The following UTRN variants were observed in gnomAD, a reference collection of about 807,000 sequenced individuals.
UTRN encodes dystrophin-related protein 1.
In UTRN, 283 loss-of-function variants were observed where a neutral mutation model predicts 463.9. That is an observed-to-expected ratio of 0.61 (90% CI 0.55 to 0.67). UTRN has a LOEUF of 0.67. Ranked by LOEUF, UTRN falls within the 30% of genes least tolerant of loss-of-function variation. The pLI is 0.00. For missense variants in UTRN, 3,922 were observed against 4,084.3 expected, an observed-to-expected ratio of 0.96 and a Z score of 1.08; for synonymous variants, 1,442 against 1,431.5, an observed-to-expected ratio of 1.01 and a Z score of -0.17.
chr6:144,402,985 C>T (rs1562348013), intron 2 of UTRN, 138 bp from the exon 3 acceptor site: 1 of 734,182 alleles, frequency 1.4e-6, no homozygotes, highest in Non-Finnish European at 2.3e-6. Context: ...TCTGCATTAG[C>T]TCCGCCTCAT....
chr6:144,350,624 G>A (rs1778033508), intron 2 of UTRN, among the ~76,000 whole-genome samples: 1 of 152,098 alleles, frequency 6.6e-6, no homozygotes, highest in Admixed American at 6.5e-5. Context: ...TTCTTTTTTT[G>A]TGGAACTGAA....
intron 2 of UTRN, among the ~76,000 whole-genome samples, chr6:144,334,923 G>C (rs1399497987): frequency 6.6e-6 from 1 of 152,130 alleles, no homozygotes; most frequent in Non-Finnish European, 1.5e-5. Flanking sequence ...TAACTTTTAA[G>C]AATTTTGAAG....
chr6:144,666,163 A>T (rs1242966044), intron 51 of UTRN, among the ~76,000 whole-genome samples: 1 of 152,206 alleles, frequency 6.6e-6, no homozygotes, highest in Non-Finnish European at 1.5e-5. Flanking sequence ...ATTTGACGCC[A>T]CATCAGGGTC....
intron 33 of UTRN, among the ~76,000 whole-genome samples, 185 bp from the exon 34 acceptor site, chr6:144,499,072 T>C (rs1793939208): frequency 6.6e-6 from 1 of 152,142 alleles, no homozygotes; most frequent in Non-Finnish European, 1.5e-5. Flanking sequence ...ACTTAACCAC[T>C]ACAGCATATT....
intron 2 of UTRN, among the ~76,000 whole-genome samples, chr6:144,354,696 C>G (rs1196292510): frequency 6.6e-6 from 1 of 152,118 alleles, no homozygotes; most frequent in Non-Finnish European, 1.5e-5. Flanking sequence ...TATGGTCGGT[C>G]AAGGACACCT....
At chr6:144,635,370 C>T (rs541209809) in intron 51 of UTRN, among the ~76,000 whole-genome samples, 3 of 151,936 alleles carry the variant, frequency 2.0e-5, no homozygotes, top group Admixed American at 1.3e-4. Flanking sequence ...AGGCTGCTCT[C>T]CAACTCTGAG....
intron 53 of UTRN, among the ~76,000 whole-genome samples, chr6:144,706,461 C>T (rs1434323197): frequency 6.6e-6 from 1 of 151,990 alleles, no homozygotes. Context: ...CTCTTACTTT[C>T]ATTTACTTAC....
intron 51 of UTRN, among the ~76,000 whole-genome samples, chr6:144,607,020 TA>T (rs1162254457): frequency 6.6e-6 from 1 of 152,178 alleles, no homozygotes; most frequent in Non-Finnish European, 1.5e-5. Context: ...GGTTTGTAAA[TA>T]TGTTAAAGTG....
chr6:144,396,297 T>G (rs1782406159), intron 2 of UTRN, among the ~76,000 whole-genome samples: 1 of 152,320 alleles, frequency 6.6e-6, no homozygotes, highest in Admixed American at 6.5e-5. Context: ...TATTGTATGA[T>G]TCCACTTACA....
rs181197284 is a variant in UTRN, at chr6:144,463,242, A to C, written c.3066+376A>C. ...TAGTAGTAAATTGCTGAATACATGA[A>C]ACTACTTTTTGCAGGTTTTTGACAT... On this transcript the variant is annotated intron_variant, in intron 23 of 74. Coordinates refer to ENST00000367545, the MANE Select transcript of UTRN (RefSeq NM_007124.3). 1.1e-3 allele frequency among the ~76,000 whole-genome samples: 175 copies of C among 152,300 alleles called. 1 individual carries two copies. The highest frequency in any genetic ancestry group is 1.2e-3 in the Non-Finnish European group (81 of 68,014).
At chr6:144,580,397 G>C (rs1801860731) in intron 51 of UTRN, among the ~76,000 whole-genome samples, 1 of 152,212 alleles carries the variant, frequency 6.6e-6, no homozygotes, top group African/African-American at 2.4e-5. Context: ...GGCCATGGGA[G>C]TATTTCAGGA....
intron 44 of UTRN, among the ~76,000 whole-genome samples, chr6:144,538,115 T>C (rs1797687519): frequency 6.6e-6 from 1 of 152,190 alleles, no homozygotes; most frequent in South Asian, 2.1e-4. Flanking sequence ...TCAGAGTGAC[T>C]TGCTGAGGAA....
chr6:144,709,093 G>A (rs144909452), intron 53 of UTRN, among the ~76,000 whole-genome samples: 38 of 152,302 alleles, frequency 2.5e-4, no homozygotes, highest in African/African-American at 7.9e-4. Context: ...TATCAGCACA[G>A]TGTCACTTAA....
In UTRN at chr6:144,813,199, A is replaced by AT. The variant is rs567307806; in HGVS notation, c.9358-7676dup. 4.6e-3 allele frequency among the ~76,000 whole-genome samples: 691 copies of AT among 150,862 alleles called. 2 individuals carry two copies. Among genetic ancestry groups the AT allele is most frequent in the African/African-American group, 0.014 (579 of 40,982 alleles). ...TTTATTTTTATTTATTTATTTATTTATTTTTTTGAAATGGAGTTTCGCTCT... is the reference window on the plus strand; with the variant it reads ...TTTATTTTTATTTATTTATTTATTTATTTTTTTTGAAATGGAGTTTCGCTCT... On this transcript the variant is annotated intron_variant, in intron 65 of 74. Transcript: ENST00000367545.
intron 4 of UTRN, 143 bp from the exon 5 acceptor site, chr6:144,423,406 G>A (rs1785023578): frequency 4.2e-6 from 3 of 719,542 alleles, no homozygotes; most frequent in Non-Finnish European, 7.0e-6. Flanking sequence ...TTCCAGGGTG[G>A]TAACCTGAGA....
chr6:144,316,392 GTAAATA>G (rs1271355043), intron 2 of UTRN, among the ~76,000 whole-genome samples: 1 of 152,214 alleles, frequency 6.6e-6, no homozygotes, highest in Non-Finnish European at 1.5e-5. Flanking sequence ...GAGGGTCTGG[GTAAATA>G]TATTAGTAGT....
At chr6:144,765,120 G>A (rs2128729513) in intron 58 of UTRN, among the ~76,000 whole-genome samples, 1 of 152,142 alleles carries the variant, frequency 6.6e-6, no homozygotes, top group East Asian at 1.9e-4. Flanking sequence ...AGATCCCCTG[G>A]GTTTACTGAG....
chr6:144,683,091 A>G (rs1375470490), intron 52 of UTRN, among the ~76,000 whole-genome samples: 1 of 152,146 alleles, frequency 6.6e-6, no homozygotes, highest in Non-Finnish European at 1.5e-5. Flanking sequence ...AGAGAACTCA[A>G]ATGCCATGTT....
intron 2 of UTRN, among the ~76,000 whole-genome samples, chr6:144,368,677 G>C (rs561560901): frequency 4.5e-4 from 69 of 152,202 alleles, no homozygotes; most frequent in African/African-American, 1.5e-3. Flanking sequence ...AGGAGGCTGA[G>C]GCAGGAGAGT....
Sources: allele counts gnomAD v4.1 joint callset (sites outside exome capture counted in the v4.1 genomes callset), GRCh38; gene constraint gnomAD v4.1.1; transcripts MANE v1.5; gene names NCBI Gene and HGNC (gene_info 2026-07-23, HGNC 2026-07-21).